The following TMEM132B variants were observed in gnomAD, a reference collection of about 807,000 sequenced individuals.
TMEM132B encodes transmembrane protein 132B.
Under a neutral mutation model 90.8 loss-of-function variants are expected in TMEM132B, and 18 were observed. The observed-to-expected ratio is 0.20, with a 90% CI of 0.14 to 0.29. TMEM132B has a LOEUF of 0.29. TMEM132B is among the 10% of genes least tolerant of loss of function. The probability of loss-of-function intolerance (pLI) is 1.00; values close to 1 mark genes in which losing one functional copy is unlikely to be tolerated. For missense variants in TMEM132B, 1,096 were observed against 1,326.8 expected, an observed-to-expected ratio of 0.83 and a Z score of 2.70; for synonymous variants, 504 against 523.3, an observed-to-expected ratio of 0.96 and a Z score of 0.50.
intron 1 of TMEM132B, chr12:125,326,503 C>G (rs937910907): frequency 1.7e-6 from 2 of 1,166,420 alleles, no homozygotes; most frequent in Non-Finnish European, 2.5e-6. Flanking sequence ...GTCCTGGCAA[C>G]CTGTATAGTA....
At chr12:125,372,629 TA>T (rs1047722175) in intron 2 of TMEM132B, among the ~76,000 whole-genome samples, 5 of 152,206 alleles carry the variant, frequency 3.3e-5, no homozygotes, top group Non-Finnish European at 7.3e-5. Flanking sequence ...GGTGATACTT[TA>T]CACAAAGTAT....
At chr12:125,626,616 A>G (rs778144006) in intron 5 of TMEM132B, among the ~76,000 whole-genome samples, 7 of 152,126 alleles carry the variant, frequency 4.6e-5, no homozygotes, top group Non-Finnish European at 1.0e-4. Context: ...TCATGATGCC[A>G]TCCTATTGTC....
At chr12:125,195,002 CAAGA>C (rs1270976412) in intron 1 of TMEM132B, among the ~76,000 whole-genome samples, 10 of 152,066 alleles carry the variant, frequency 6.6e-5, no homozygotes, top group Non-Finnish European at 1.5e-4. Context: ...TGTTTTTTCT[CAAGA>C]AATTGGGAAT....
Position 125,654,235 on chromosome 12 carries a change from C to T in TMEM132B, c.2777C>T (p.Ala926Val), listed in dbSNP as rs199566813. 1.1e-4 allele frequency: 172 copies of T among 1,614,150 alleles called. 1 individual carries two copies. The East Asian group carries it at 1.2e-3, about 11-fold the overall frequency. Residue 926 changes from alanine (A) to valine (V), a missense_variant, in exon 9 of 9, where the codon GCG (alanine) becomes GTG (valine). Physicochemically the swap from Ala to Val is moderately conservative, Grantham distance 64. Transcript: ENST00000682704. This position sits in a 1 kb window ranked among gnomAD's most constrained non-coding sequence, Gnocchi z 5.8. Reference protein sequence around the residue: ...AILVFLINCVAFAWKYRHKRF... With the variant: ...AILVFLINCVVFAWKYRHKRF... The stretch of plus-strand genomic sequence containing the variant: ...CTGGTCTTCTTGATCAACTGCGTGG[C>T]GTTTGCCTGGAAATACAGACACAAA...
intron 1 of TMEM132B, among the ~76,000 whole-genome samples, chr12:125,224,194 AGACATTTGGGTTCATG>A (rs1489746216): frequency 1.3e-5 from 2 of 152,200 alleles, no homozygotes; most frequent in South Asian, 4.1e-4. Flanking sequence ...ATTTGTTGAT[AGACATTTGGGTTCATG>A]GACATTTGGG....
Position 125,446,764 on chromosome 12 carries a change from C to T in TMEM132B, c.1106+31087C>T, listed in dbSNP as rs574565141. ...CCTCATTTGGCATTCTTAACAACCTCAGGAAGCCACCAAGACTGGTATTGC... is the reference window on the plus strand; with the variant it reads ...CCTCATTTGGCATTCTTAACAACCTTAGGAAGCCACCAAGACTGGTATTGC... On this transcript the variant is annotated intron_variant, in intron 3 of 8. Transcript: ENST00000682704. Among the ~76,000 whole-genome samples the T allele has an allele frequency of 8.5e-5, 13 of 152,274 alleles. 1 individual carries two copies. The South Asian group carries it at 2.7e-3, about 32-fold the overall frequency.
intron 3 of TMEM132B, among the ~76,000 whole-genome samples, chr12:125,440,470 A>G (rs1880837960): frequency 6.6e-6 from 1 of 152,228 alleles, no homozygotes; most frequent in South Asian, 2.1e-4. Context: ...TCATTTTCAA[A>G]GACTGAAACA....
intron 4 of TMEM132B, among the ~76,000 whole-genome samples, chr12:125,522,088 C>T (rs998338619): frequency 3.3e-5 from 5 of 152,198 alleles, no homozygotes; most frequent in Non-Finnish European, 5.9e-5. Context: ...TTGGCTCCCT[C>T]GGCCCAGAAT....
chr12:125,306,656 A>C (rs1351624310), intron 1 of TMEM132B, among the ~76,000 whole-genome samples: 4 of 151,930 alleles, frequency 2.6e-5, no homozygotes, highest in Non-Finnish European at 5.9e-5. Flanking sequence ...CCTTCCCTTC[A>C]CTGCTCCCAG....
At chr12:125,514,186 T>G (rs1413977484) in intron 3 of TMEM132B, among the ~76,000 whole-genome samples, 1 of 152,108 alleles carries the variant, frequency 6.6e-6, no homozygotes, top group East Asian at 1.9e-4. Flanking sequence ...TCTCCCAGAA[T>G]GCAAACGCCA....
intron 2 of TMEM132B, among the ~76,000 whole-genome samples, chr12:125,412,869 G>A (rs1879892899): frequency 6.6e-6 from 1 of 152,052 alleles, no homozygotes; most frequent in Non-Finnish European, 1.5e-5. Context: ...CATCATGACG[G>A]CAAGAAAGAA....
At chr12:125,205,011 A>G (rs1420872829) in intron 1 of TMEM132B, among the ~76,000 whole-genome samples, 5 of 104,924 alleles carry the variant, frequency 4.8e-5, no homozygotes, top group African/African-American at 1.6e-4. Context: ...GGAGTATCTC[A>G]TGAATCCTTT....
At chr12:125,578,032 C>A (rs1028492702) in intron 4 of TMEM132B, among the ~76,000 whole-genome samples, 2 of 152,074 alleles carry the variant, frequency 1.3e-5, no homozygotes, top group African/African-American at 4.8e-5. Context: ...GTGGTATGTC[C>A]TAGAGAATGC....
rs1394650845 is a variant in TMEM132B at position 125,209,658 on chromosome 12, A to T, written c.67+22792A>T. Among the ~76,000 whole-genome samples the T allele has an allele frequency of 6.6e-6, 1 of 152,218 alleles. No individual in the cohort carries two copies. The highest frequency in any genetic ancestry group is 1.5e-5 in the Non-Finnish European group (1 of 68,028). ...CAGATCACAGGCACCTCTTTGGCAGATGTGGAGTCTGAGTGGCTCAGACAG... is the reference window on the plus strand; with the variant it reads ...CAGATCACAGGCACCTCTTTGGCAGTTGTGGAGTCTGAGTGGCTCAGACAG... On this transcript the variant is annotated intron_variant, in intron 1 of 8. Coordinates refer to ENST00000682704, the MANE Select transcript of TMEM132B (RefSeq NM_001366854.1). This position sits in a 1 kb window ranked among gnomAD's most constrained non-coding sequence, Gnocchi z 4.4.
chr12:125,273,998 C>T (rs148266835), intron 1 of TMEM132B, among the ~76,000 whole-genome samples: 1 of 152,272 alleles, frequency 6.6e-6, no homozygotes, highest in Non-Finnish European at 1.5e-5. Context: ...TGTGCTCTTC[C>T]CCAGTCTCAT....
chr12:125,416,499 C>A (rs1880018386), intron 3 of TMEM132B, among the ~76,000 whole-genome samples: 1 of 152,240 alleles, frequency 6.6e-6, no homozygotes, highest in Non-Finnish European at 1.5e-5. Flanking sequence ...TCTCTTTCTT[C>A]CCTAAACTCT....
chr12:125,411,482 CA>C (rs1365832324), intron 2 of TMEM132B, among the ~76,000 whole-genome samples: 1 of 151,914 alleles, frequency 6.6e-6, no homozygotes, highest in Non-Finnish European at 1.5e-5. Flanking sequence ...CCTGCACGTT[CA>C]GCACATGTAC....
intron 5 of TMEM132B, among the ~76,000 whole-genome samples, chr12:125,631,463 C>G (rs148108769): frequency 6.6e-6 from 1 of 152,108 alleles, no homozygotes; most frequent in Non-Finnish European, 1.5e-5. Context: ...GTATATTCTG[C>G]AGGCTTTGGA....
At chr12:125,527,820 T>C (rs16919188) in intron 4 of TMEM132B, among the ~76,000 whole-genome samples, 8,276 of 152,292 alleles carry the variant, frequency 0.054, 663 homozygotes, top group African/African-American at 0.17. Flanking sequence ...AAACGGTGAA[T>C]AGCAAACATT....
Sources: allele counts gnomAD v4.1 joint callset (sites outside exome capture counted in the v4.1 genomes callset), GRCh38; gene constraint gnomAD v4.1.1; non-coding constraint Gnocchi (gnomAD v3.1); transcripts MANE v1.5; gene names NCBI Gene and HGNC (gene_info 2026-07-23, HGNC 2026-07-21).